DCDC1: variants seen among roughly 807,000 people sequenced by gnomAD.
DCDC1 encodes doublecortin domain-containing protein 1.
Under a neutral mutation model 178.3 loss-of-function variants are expected in DCDC1, and 200 were observed. The ratio of observed to expected loss-of-function variants is 1.12; its 90% CI spans 1.00 to 1.26. The LOEUF (loss-of-function observed/expected upper bound fraction) is 1.26. DCDC1 is among the 50% of genes most tolerant of loss of function. The pLI, the probability that DCDC1 is intolerant of heterozygous loss-of-function variation, is 0.00. For synonymous variants in DCDC1, 690 were observed against 604.8 expected, an observed-to-expected ratio of 1.14 and a Z score of -2.07; for missense variants, 1,983 against 1,749.2, an observed-to-expected ratio of 1.13 and a Z score of -2.38.
chr11:31,173,381 T>A (rs1032517135), intron 9 of DCDC1, among the ~76,000 whole-genome samples: 2 of 152,200 alleles, frequency 1.3e-5, no homozygotes, highest in African/African-American at 4.8e-5. Flanking sequence ...GATGAAAATA[T>A]AAAAATGAAA....
intron 37 of DCDC1, 107 bp downstream of exon 37, chr11:30,881,051 G>A: frequency 9.5e-6 from 12 of 1,261,742 alleles, no homozygotes; most frequent in Non-Finnish European, 1.3e-5. Flanking sequence ...ATGCTTGGGA[G>A]GGGATAATTA....
intron 9 of DCDC1, among the ~76,000 whole-genome samples, chr11:31,192,357 A>G (rs759894084): frequency 6.6e-6 from 1 of 152,066 alleles, no homozygotes; most frequent in East Asian, 1.9e-4. Context: ...TATTGACCCA[A>G]TGTTGGCTAC....
rs374268678 is a variant in DCDC1, at chr11:31,307,797, T to A, written c.276A>T (p.Ser92=). 1.9e-6 allele frequency: 3 copies of A among 1,614,148 alleles called. No homozygotes were observed. Among genetic ancestry groups the A allele is most frequent in the Non-Finnish European group, 2.5e-6 (3 of 1,180,000 alleles). ...GATGTGTGGAGCAATCTTGAAGTCCTGACCCTTCTGATACTGCTGCTGAAT... is the reference window on the plus strand; with the variant it reads ...GATGTGTGGAGCAATCTTGAAGTCCAGACCCTTCTGATACTGCTGCTGAAT... The part of the protein sequence containing the change: ...LVHSAAVSEG[S]GLQDCSTHQT... The change falls in exon 4 of 39, where the codon TCA becomes TCT. Residue 92 remains serine (S), a synonymous_variant. Transcript: ENST00000684477.
intron 21 of DCDC1, among the ~76,000 whole-genome samples, chr11:30,947,762 C>T (rs976903473): frequency 1.3e-5 from 2 of 151,968 alleles, no homozygotes; most frequent in Non-Finnish European, 2.9e-5. Flanking sequence ...ACGAAACAAT[C>T]AACAAAGTAA....
chr11:31,108,988 T>C (rs1959028581), intron 12 of DCDC1, among the ~76,000 whole-genome samples: 1 of 152,150 alleles, frequency 6.6e-6, no homozygotes, highest in Admixed American at 6.6e-5. Context: ...TCACAAGGGC[T>C]CTCCCAAAGA....
chr11:30,905,387 C>G (rs1944988263), intron 30 of DCDC1, among the ~76,000 whole-genome samples: 1 of 152,164 alleles, frequency 6.6e-6, no homozygotes, highest in African/African-American at 2.4e-5. Flanking sequence ...TGACTTTGGG[C>G]ATCTGGCTTG....
At chr11:31,198,546 T>C (rs1214263760) in intron 9 of DCDC1, among the ~76,000 whole-genome samples, 1 of 152,100 alleles carries the variant, frequency 6.6e-6, no homozygotes, top group Non-Finnish European at 1.5e-5. Context: ...GCTAAACCTC[T>C]GCCACTAAAA....
chr11:31,036,167 T>G (rs755046663), intron 20 of DCDC1, among the ~76,000 whole-genome samples: 3 of 152,238 alleles, frequency 2.0e-5, no homozygotes, highest in Non-Finnish European at 2.9e-5. Context: ...CCTTCAAGAC[T>G]GATCTTGTAT....
At chr11:31,151,915 T>C (rs1252305900) in intron 9 of DCDC1, among the ~76,000 whole-genome samples, 1 of 152,160 alleles carries the variant, frequency 6.6e-6, no homozygotes, top group African/African-American at 2.4e-5. Context: ...CTGGTGACCG[T>C]AGTTAATAAT....
intron 34 of DCDC1, among the ~76,000 whole-genome samples, chr11:30,895,133 A>G (rs9300006): frequency 0.47 from 71,705 of 152,038 alleles, 18,321 homozygotes; most frequent in Middle Eastern, 0.6. Flanking sequence ...ATTGATCTCT[A>G]AGCTTATTAA....
chr11:30,944,198 C>T (rs1474968107), intron 21 of DCDC1: 8 of 394,078 alleles, frequency 2.0e-5, no homozygotes, highest in African/African-American at 6.3e-5. Flanking sequence ...CTTCTCTCTC[C>T]CTTCCTTCTC....
At chr11:31,286,295 T>C (rs1409277261) in intron 7 of DCDC1, among the ~76,000 whole-genome samples, 1 of 152,094 alleles carries the variant, frequency 6.6e-6, no homozygotes, top group East Asian at 1.9e-4. Context: ...TCCTTTTGCC[T>C]ACAGTAAGTA....
chr11:31,208,202 A>G (rs1411121104), intron 9 of DCDC1, among the ~76,000 whole-genome samples: 1 of 151,864 alleles, frequency 6.6e-6, no homozygotes, highest in Non-Finnish European at 1.5e-5. Context: ...TCAATTACCT[A>G]CTCAGCCTCT....
At chr11:31,124,876 T>C (rs897189967) in intron 11 of DCDC1, among the ~76,000 whole-genome samples, 1 of 152,026 alleles carries the variant, frequency 6.6e-6, no homozygotes, top group East Asian at 1.9e-4. Flanking sequence ...TGGGCAAAGA[T>C]TTTATGATGA....
intron 1 of DCDC1, among the ~76,000 whole-genome samples, chr11:31,349,896 T>C (rs1185836177): frequency 6.6e-6 from 1 of 152,184 alleles, no homozygotes. Context: ...TTACTAAATA[T>C]TTACTATGTT....
At chr11:31,177,763 T>C (rs1968257218) in intron 9 of DCDC1, among the ~76,000 whole-genome samples, 1 of 151,902 alleles carries the variant, frequency 6.6e-6, no homozygotes, top group Non-Finnish European at 1.5e-5. Context: ...TCAAAAACTG[T>C]AAAAAGAGAC....
intron 20 of DCDC1, among the ~76,000 whole-genome samples, chr11:30,971,850 C>T (rs291147): frequency 0.023 from 3,545 of 152,046 alleles, 152 homozygotes; most frequent in African/African-American, 0.082. Context: ...ACCTTGTGAT[C>T]GGCCTGCCTC....
At chr11:30,896,856 ATGC>A (rs1944263078) in intron 34 of DCDC1, among the ~76,000 whole-genome samples, 2 of 152,242 alleles carry the variant, frequency 1.3e-5, no homozygotes, top group African/African-American at 4.8e-5. Flanking sequence ...AGCAATGTTC[ATGC>A]TTACCAGTGA....
intron 20 of DCDC1, among the ~76,000 whole-genome samples, chr11:31,043,720 G>A (rs1404448031): frequency 6.6e-6 from 1 of 151,858 alleles, no homozygotes; most frequent in Admixed American, 6.6e-5. Context: ...CCTAAAGTAG[G>A]GTATGTGATA....
Sources: allele counts gnomAD v4.1 joint callset (sites outside exome capture counted in the v4.1 genomes callset), GRCh38; gene constraint gnomAD v4.1.1; transcripts MANE v1.5; gene names NCBI Gene and HGNC (gene_info 2026-07-23, HGNC 2026-07-21).